PDE4DIP: variants seen among roughly 807,000 people sequenced by gnomAD.
PDE4DIP encodes myomegalin.
Under a neutral mutation model 221.4 loss-of-function variants are expected in PDE4DIP, and 59 were observed. That is an observed-to-expected ratio of 0.27 (90% confidence interval 0.22 to 0.33). The LOEUF is 0.33. Among genes scored for constraint, PDE4DIP ranks in the 10% least tolerant of loss-of-function variants. PDE4DIP has a pLI of 1.00. For synonymous variants in PDE4DIP, 404 were observed against 815.9 expected, an observed-to-expected ratio of 0.50 and a Z score of 8.60; for missense variants, 1,036 against 2,154.2, an observed-to-expected ratio of 0.48 and a Z score of 10.28.
chr1:148,893,065 CTGTGTGTGTG>C (rs60364665), intron 1 of PDE4DIP, among the ~76,000 whole-genome samples: 1,925 of 76,388 alleles, frequency 0.025, no homozygotes, highest in African/African-American at 0.038. Context: ...ATGTGTGTGT[CTGTGTGTGTG>C]TGTGTGTGTG....
At chr1:148,969,767 C>T (rs1432045222) in intron 14 of PDE4DIP, among the ~76,000 whole-genome samples, 50 of 146,924 alleles carry the variant, frequency 3.4e-4, no homozygotes, top group African/African-American at 9.6e-4. Context: ...AGTGCGATGG[C>T]GCAATCTTGG....
chr1:148,964,133 G>A (rs2057681131), intron 9 of PDE4DIP, among the ~76,000 whole-genome samples: 3 of 128,798 alleles, frequency 2.3e-5, no homozygotes, highest in South Asian at 2.6e-4. Context: ...TTTTGAGACA[G>A]AGTTTTGCTC....
At chr1:148,890,738 G>A (rs587645923) in intron 1 of PDE4DIP, among the ~76,000 whole-genome samples, 2 of 89,922 alleles carry the variant, frequency 2.2e-5, no homozygotes, top group African/African-American at 5.5e-5. Flanking sequence ...CTAGGTGACA[G>A]AGCAAGAGTC....
intron 14 of PDE4DIP, among the ~76,000 whole-genome samples, chr1:148,971,441 T>A (rs372443450): frequency 0.018 from 2,711 of 150,310 alleles, 71 homozygotes; most frequent in Non-Finnish European, 0.026. Flanking sequence ...TTAAAAAAAA[T>A]TTTTTCCCAG....
At position 149,011,062 on chromosome 1, in the gene PDE4DIP, G is replaced by A. The variant is rs587617572; in HGVS notation, c.5080+467G>A. ...TCAGACAAGGTTCTGTTCATAGTAC[G>A]TTACCATTAATGGATGTATGAATGG... On this transcript the variant is annotated intron_variant, in intron 31 of 43. Transcript: ENST00000369354. 5.3e-3 allele frequency among the ~76,000 whole-genome samples: 806 copies of A among 151,856 alleles called. 5 individuals are homozygous for A. The highest frequency in any genetic ancestry group is 0.017 in the East Asian group (86 of 5,162).
intron 1 of PDE4DIP, among the ~76,000 whole-genome samples, chr1:148,820,582 AAAG>A (rs1668849855): frequency 7.3e-6 from 1 of 137,274 alleles, no homozygotes; most frequent in African/African-American, 2.7e-5. Flanking sequence ...AAAAAAAAAG[AAAG>A]AAAGTAGTTG....
At chr1:149,013,723 TCC>T (rs2069382716) in intron 32 of PDE4DIP, among the ~76,000 whole-genome samples, 1 of 104,468 alleles carries the variant, frequency 9.6e-6, no homozygotes, top group African/African-American at 3.9e-5. Context: ...AGAATTTGCA[TCC>T]CCCTCCCTAC....
At chr1:148,998,833 C>A (rs1412528627) in intron 23 of PDE4DIP, among the ~76,000 whole-genome samples, 2 of 151,166 alleles carry the variant, frequency 1.3e-5, no homozygotes, top group African/African-American at 4.9e-5. Flanking sequence ...CTCCACCTCT[C>A]GGGTTCATGC....
At chr1:149,032,214 C>A in exon 44 of PDE4DIP, 1 of 741,334 alleles carries the variant, frequency 1.3e-6, no homozygotes, top group Non-Finnish European at 2.2e-6. Flanking sequence ...TACGATTAGC[C>A]AAGGTCCACT....
At chr1:148,948,970 C>T (rs1485787463) in intron 5 of PDE4DIP, among the ~76,000 whole-genome samples, 2 of 152,100 alleles carry the variant, frequency 1.3e-5, no homozygotes, top group Non-Finnish European at 2.9e-5. Context: ...TGTCAGACTT[C>T]AAATAAATGG....
At chr1:148,952,029 C>T (rs1490322012) in intron 5 of PDE4DIP, 4 of 1,007,190 alleles carry the variant, frequency 4.0e-6, no homozygotes, top group Non-Finnish European at 4.8e-6. Context: ...GCCCCGCTGG[C>T]AGCCGGAGGA....
chr1:148,955,494 T>C (rs1197258776), intron 5 of PDE4DIP, among the ~76,000 whole-genome samples: 2 of 152,178 alleles, frequency 1.3e-5, no homozygotes, highest in Non-Finnish European at 2.9e-5. Context: ...CTTCAGGCAG[T>C]CTCTCAATTT....
At chr1:149,017,518 G>A (rs1258293356) in intron 33 of PDE4DIP, 1 of 434,760 alleles carries the variant, frequency 2.3e-6, no homozygotes, top group Non-Finnish European at 4.2e-6. Flanking sequence ...CTGTGTGGGA[G>A]GAGGCCCATG....
chr1:149,025,492 C>A (rs587699715), intron 38 of PDE4DIP, among the ~76,000 whole-genome samples: 1 of 152,144 alleles, frequency 6.6e-6, no homozygotes, highest in African/African-American at 2.4e-5. Context: ...CGTGTTTGAC[C>A]AGGTCCCCCT....
intron 32 of PDE4DIP, among the ~76,000 whole-genome samples, chr1:149,013,781 CTTTTTTTTT>C (rs71582768): frequency 4.1e-4 from 13 of 31,944 alleles, no homozygotes; most frequent in South Asian, 1.8e-3. Flanking sequence ...CCTTCTTCCT[CTTTTTTTTT>C]TTTTTTTTTT....
At chr1:148,824,213 G>C (rs797039115) in intron 1 of PDE4DIP, among the ~76,000 whole-genome samples, 1 of 145,098 alleles carries the variant, frequency 6.9e-6, no homozygotes, top group Admixed American at 6.9e-5. Flanking sequence ...CAAGCACTCA[G>C]CTGGGGCTGC....
chr1:148,961,923 C>T (rs376892593), exon 7 of PDE4DIP: 6 of 1,569,914 alleles, frequency 3.8e-6, no homozygotes, highest in African/African-American at 1.4e-5. Context: ...CAATTCAGAA[C>T]CTCAAGGAAA....
chr1:148,813,334 GC>G (rs1245691573), intron 1 of PDE4DIP, among the ~76,000 whole-genome samples: 3 of 100,546 alleles, frequency 3.0e-5, no homozygotes, highest in Non-Finnish European at 6.9e-5. Flanking sequence ...ATGATATTGA[GC>G]TTTTTTTTCA....
intron 5 of PDE4DIP, chr1:148,953,902 C>T (rs2054385632): frequency 6.2e-7 from 1 of 1,611,012 alleles, no homozygotes; most frequent in Admixed American, 1.7e-5. Context: ...CGCTCCGGGT[C>T]CAGGTATACA....
Sources: gnomAD v4.1 joint callset for allele counts (sites outside exome capture counted in the v4.1 genomes callset) on GRCh38, gnomAD v4.1.1 for gene constraint, MANE v1.5 for transcripts, NCBI Gene and HGNC (gene_info 2026-07-23, HGNC 2026-07-21) for gene names.